SEC24A: variants seen among roughly 807,000 people sequenced by gnomAD.
SEC24A encodes the protein protein transport protein Sec24A.
In SEC24A, 93 loss-of-function variants were observed where a neutral mutation model predicts 129.4. The ratio of observed to expected loss-of-function variants is 0.72; its 90% confidence interval spans 0.61 to 0.85. The LOEUF (loss-of-function observed/expected upper bound fraction) is 0.85. Among genes scored for constraint, SEC24A ranks in the 40% least tolerant of loss-of-function variants. SEC24A has a pLI of 0.00. For missense variants in SEC24A, 1,264 were observed against 1,307.4 expected (o/e 0.97, Z 0.51); for synonymous variants, 460 against 467.3 (o/e 0.98, Z 0.20).
intron 5 of SEC24A, 87 bp downstream of exon 5, chr5:134,674,862 T>C (rs1751003827): frequency 1.1e-5 from 13 of 1,222,400 alleles, no homozygotes; most frequent in South Asian, 1.6e-5. Flanking sequence ...AGGTATATTA[T>C]ACATTTTTAT....
chr5:134,660,681 A>G (rs1240629162), intron 1 of SEC24A, among the ~76,000 whole-genome samples: 1 of 150,136 alleles, frequency 6.7e-6, no homozygotes, highest in African/African-American at 2.5e-5. Context: ...TCAGCCCCCC[A>G]AGTAGCTAAG....
intron 3 of SEC24A, among the ~76,000 whole-genome samples, chr5:134,670,559 T>G (rs1561808109): frequency 6.6e-6 from 1 of 152,240 alleles, no homozygotes; most frequent in Non-Finnish European, 1.5e-5. Flanking sequence ...TTGTCTTTAA[T>G]CCTGTATAAT....
At chr5:134,708,138 T>C (rs1752220243) in intron 17 of SEC24A, among the ~76,000 whole-genome samples, 1 of 151,638 alleles carries the variant, frequency 6.6e-6, no homozygotes. Flanking sequence ...CTAAATAAAT[T>C]AATAAATAAC....
chr5:134,669,576 C>T (rs559924330), intron 3 of SEC24A, among the ~76,000 whole-genome samples: 3 of 150,432 alleles, frequency 2.0e-5, no homozygotes, highest in African/African-American at 4.9e-5. Context: ...CCCGGGTTCA[C>T]GCCATTCTCC....
intron 7 of SEC24A, among the ~76,000 whole-genome samples, chr5:134,677,468 A>ATTT (rs370010622): frequency 0.024 from 3,164 of 132,064 alleles, 55 homozygotes; most frequent in African/African-American, 0.054. Flanking sequence ...GCCTGTATTG[A>ATTT]TTTTTTTTTT....
chr5:134,715,987 C>T (rs1045655608), intron 19 of SEC24A, among the ~76,000 whole-genome samples: 2 of 151,720 alleles, frequency 1.3e-5, no homozygotes, highest in Non-Finnish European at 2.9e-5. Flanking sequence ...TACATCTGAA[C>T]ACCCAGTTCA....
intron 12 of SEC24A, 138 bp from the exon 13 acceptor site, chr5:134,693,589 C>G: frequency 1.4e-6 from 2 of 1,435,876 alleles, no homozygotes; most frequent in Non-Finnish European, 1.8e-6. Context: ...TGTCATTTGA[C>G]CAACTTCATT....
intron 13 of SEC24A, among the ~76,000 whole-genome samples, chr5:134,696,262 C>T (rs2150099575): frequency 6.6e-6 from 1 of 151,540 alleles, no homozygotes; most frequent in East Asian, 1.9e-4. Context: ...TACAGCAAAA[C>T]TCCCATCTCA....
rs774003047 is a variant in SEC24A at position 134,721,068 on chromosome 5, A to G, written c.3041A>G (p.Tyr1014Cys). The change falls in exon 21 of 23, where the codon TAT becomes TGT. Residue 1014 changes from tyrosine (Y) to cysteine (C), a missense_variant. Physicochemically the swap from Tyr to Cys is radical, Grantham distance 194. Coordinates refer to ENST00000398844, the MANE Select transcript of SEC24A (RefSeq NM_021982.3). ...AGCCAAGTTCTAGGAGTTCAAAACT[A>G]TGCATCAATTCCACAGCCTATGGTA... ...FLSQVLGVQN[Y>C]ASIPQPMTDL... 2.8e-5 allele frequency: 45 copies of G among 1,609,656 alleles called. No individual in the cohort carries two copies. In the South Asian group the frequency reaches 4.8e-4, roughly 17 times the overall value.
At chr5:134,662,312 G>A (rs971562136) in intron 2 of SEC24A, among the ~76,000 whole-genome samples, 1 of 151,506 alleles carries the variant, frequency 6.6e-6, no homozygotes. Flanking sequence ...CCGCCACCAC[G>A]CCCGGCTAAT....
chr5:134,680,683 G>A (rs1201249117), intron 8 of SEC24A, among the ~76,000 whole-genome samples: 3 of 150,426 alleles, frequency 2.0e-5, no homozygotes, highest in East Asian at 4.0e-4. Flanking sequence ...TGGCTCTGTC[G>A]CCAGGCTGGA....
intron 1 of SEC24A, among the ~76,000 whole-genome samples, chr5:134,655,668 AAAAT>A (rs111380952): frequency 4.6e-5 from 7 of 152,012 alleles, no homozygotes; most frequent in African/African-American, 9.7e-5. Flanking sequence ...AATTCATCTC[AAAAT>A]AAATAAATAA....
chr5:134,699,526 C>T (rs1751936910), intron 15 of SEC24A, among the ~76,000 whole-genome samples: 1 of 151,528 alleles, frequency 6.6e-6, no homozygotes, highest in Non-Finnish European at 1.5e-5. Context: ...GTCTCGATCT[C>T]CTGATCTGGT....
chr5:134,652,014 CA>C (rs1352633473), intron 1 of SEC24A, among the ~76,000 whole-genome samples: 1 of 151,406 alleles, frequency 6.6e-6, no homozygotes, highest in Non-Finnish European at 1.5e-5. Flanking sequence ...CTCTGCCTCC[CA>C]GATTCAAGCA....
At chr5:134,689,561 GA>G (rs1227238050) in intron 11 of SEC24A, among the ~76,000 whole-genome samples, 2 of 152,126 alleles carry the variant, frequency 1.3e-5, no homozygotes, top group Admixed American at 1.3e-4. Context: ...AAGAGATCAA[GA>G]CCATCCTGGC....
intron 1 of SEC24A, among the ~76,000 whole-genome samples, chr5:134,650,844 G>T (rs1750024070): frequency 6.6e-6 from 1 of 151,652 alleles, no homozygotes; most frequent in Admixed American, 6.6e-5. Context: ...GCGCTATCTC[G>T]GCTCACTGCA....
intron 15 of SEC24A, among the ~76,000 whole-genome samples, chr5:134,700,988 GATTACAGGCGTGAGCC>G (rs935086285): frequency 6.6e-6 from 1 of 152,086 alleles, no homozygotes; most frequent in African/African-American, 2.4e-5. Flanking sequence ...AAAGTGCTGG[GATTACAGGCGTGAGCC>G]ACCGCGCCTG....
At chr5:134,653,101 G>A (rs1484784255) in intron 1 of SEC24A, among the ~76,000 whole-genome samples, 1 of 151,484 alleles carries the variant, frequency 6.6e-6, no homozygotes, top group African/African-American at 2.4e-5. Flanking sequence ...CACTGTGCTC[G>A]GCCTAATTTT....
chr5:134,651,514 T>C (rs1471141989), intron 1 of SEC24A, among the ~76,000 whole-genome samples: 1 of 151,408 alleles, frequency 6.6e-6, no homozygotes, highest in East Asian at 1.9e-4. Flanking sequence ...AGGCTGGTCT[T>C]GAACTCCAAA....
Sources: allele counts gnomAD v4.1 joint callset (sites outside exome capture counted in the v4.1 genomes callset), GRCh38; gene constraint gnomAD v4.1.1; transcripts MANE v1.5; gene names NCBI Gene and HGNC (gene_info 2026-07-23, HGNC 2026-07-21).